Variants in UHRF2 observed in about 807,000 individuals in gnomAD.
The protein encoded by UHRF2 is ubiquitin like with PHD and ring finger domains 2.
Under a neutral mutation model 96.8 loss-of-function variants are expected in UHRF2, and 23 were observed. The observed-to-expected ratio is 0.24, with a 90% CI of 0.17 to 0.34. The LOEUF is 0.34. Ranked by LOEUF, UHRF2 falls within the 10% of genes least tolerant of loss-of-function variation. The pLI is 1.00. For synonymous variants in UHRF2, 385 were observed against 332.6 expected (o/e 1.16, Z -1.72); for missense variants, 685 against 981.5 (o/e 0.70, Z 4.04).
chr9:6,425,966 G>T (rs1239621575), intron 2 of UHRF2, among the ~76,000 whole-genome samples: 1 of 152,186 alleles, frequency 6.6e-6, no homozygotes, highest in Non-Finnish European at 1.5e-5. Flanking sequence ...TTTGGCCAGA[G>T]TTTAGAAGCT....
intron 6 of UHRF2, among the ~76,000 whole-genome samples, chr9:6,478,162 C>T (rs576489577): frequency 1.3e-5 from 2 of 152,218 alleles, no homozygotes; most frequent in Non-Finnish European, 2.9e-5. Flanking sequence ...CCACTTTCCT[C>T]TTTCATTTCC....
At chr9:6,435,416 G>A (rs1012335400) in intron 3 of UHRF2, among the ~76,000 whole-genome samples, 4 of 152,132 alleles carry the variant, frequency 2.6e-5, no homozygotes, top group Non-Finnish European at 5.9e-5. Flanking sequence ...GTGAGCCACT[G>A]TGCCCAGTGC....
At chr9:6,445,805 C>G (rs1421987945) in intron 3 of UHRF2, among the ~76,000 whole-genome samples, 2 of 151,956 alleles carry the variant, frequency 1.3e-5, no homozygotes, top group Non-Finnish European at 2.9e-5. Context: ...CTCAAGCAGT[C>G]CTTCCCCCTT....
At chr9:6,440,244 T>A (rs1489453676) in intron 3 of UHRF2, among the ~76,000 whole-genome samples, 1 of 152,220 alleles carries the variant, frequency 6.6e-6, no homozygotes, top group Admixed American at 6.5e-5. Context: ...ATCTGTGGCA[T>A]AGCTTATGAT....
chr9:6,454,014 C>T (rs1822028261), intron 3 of UHRF2, among the ~76,000 whole-genome samples: 2 of 145,322 alleles, frequency 1.4e-5, no homozygotes, highest in South Asian at 4.3e-4. Context: ...TAAAAAAATA[C>T]TAATTGACAT....
intron 3 of UHRF2, among the ~76,000 whole-genome samples, chr9:6,457,569 A>C (rs1249110135): frequency 6.6e-6 from 1 of 152,212 alleles, no homozygotes; most frequent in Admixed American, 6.5e-5. Flanking sequence ...GAGAGAGGCC[A>C]TCCCTGTCTT....
chr9:6,477,619 T>C lies in UHRF2; in HGVS notation c.974-3T>C, dbSNP rs765558961. 1.3e-6 allele frequency: 2 copies of C among 1,598,482 alleles called. No individual in the cohort carries two copies. Among genetic ancestry groups the C allele is most frequent in the South Asian group, 1.1e-5 (1 of 88,524 alleles). On this transcript the variant is annotated splice_region_variant and splice_polypyrimidine_tract_variant and intron_variant, in intron 5 of 15. Coordinates refer to ENST00000276893, the MANE Select transcript of UHRF2 (RefSeq NM_152896.3). ...AGACTTGCTATAATTTTGTTCTTAATAGGGCGAAATGACCCTGAATGTGAC... is the reference window on the plus strand; with the variant it reads ...AGACTTGCTATAATTTTGTTCTTAACAGGGCGAAATGACCCTGAATGTGAC...
At chr9:6,428,317 G>C (rs192417699) in intron 2 of UHRF2, among the ~76,000 whole-genome samples, 1 of 151,866 alleles carries the variant, frequency 6.6e-6, no homozygotes, top group Non-Finnish European at 1.5e-5. Flanking sequence ...ATACTCCCAG[G>C]AACTTACCAG....
intron 3 of UHRF2, among the ~76,000 whole-genome samples, chr9:6,441,569 C>G (rs1821163991): frequency 6.6e-6 from 1 of 152,244 alleles, no homozygotes. Flanking sequence ...TTGACCCAGC[C>G]TTATCCATTA....
At chr9:6,424,752 C>T (rs1820146571) in intron 2 of UHRF2, among the ~76,000 whole-genome samples, 1 of 148,020 alleles carries the variant, frequency 6.8e-6, no homozygotes, top group Non-Finnish European at 1.5e-5. Flanking sequence ...TCTCCTTTGA[C>T]ATTGACTGTG....
At chr9:6,494,019 G>C in intron 10 of UHRF2, 87 bp downstream of exon 10, 1 of 1,176,074 alleles carries the variant, frequency 8.5e-7, no homozygotes, top group Non-Finnish European at 1.2e-6. Flanking sequence ...TTGCAGAGGA[G>C]AATTTCAAAC....
At chr9:6,472,905 A>T (rs1185081928) in intron 4 of UHRF2, among the ~76,000 whole-genome samples, 1 of 152,198 alleles carries the variant, frequency 6.6e-6, no homozygotes, top group Non-Finnish European at 1.5e-5. Context: ...AAAAGTAAAT[A>T]TCCTTTAGCC....
At chr9:6,465,229 G>T (rs1822787906) in intron 4 of UHRF2, among the ~76,000 whole-genome samples, 1 of 152,132 alleles carries the variant, frequency 6.6e-6, no homozygotes, top group Non-Finnish European at 1.5e-5. Flanking sequence ...CCTAGATTTG[G>T]TTTGACAGTG....
chr9:6,472,570 A>T (rs1464043696), intron 4 of UHRF2, among the ~76,000 whole-genome samples: 1 of 152,266 alleles, frequency 6.6e-6, no homozygotes, highest in African/African-American at 2.4e-5. Context: ...AATCAAGATG[A>T]CTGAAGATAA....
At chr9:6,420,706 CAA>C (rs879041284) in intron 1 of UHRF2, among the ~76,000 whole-genome samples, 12 of 70,738 alleles carry the variant, frequency 1.7e-4, no homozygotes, top group Admixed American at 6.5e-4. Flanking sequence ...GACACCGTCT[CAA>C]AAAAAAAAAA....
In UHRF2 at chr9:6,433,977, A is replaced by G. The variant is rs1256951877; in HGVS notation, c.448A>G (p.Ser150Gly). 2 of 1,613,988 alleles carry G rather than the reference A, an allele frequency of 1.2e-6. No individual in the cohort carries two copies. The highest frequency in any genetic ancestry group is 1.3e-5 in the African/African-American group (1 of 74,938). Residue 150 changes from serine to glycine, a missense_variant, in exon 3 of 16, where the codon AGT becomes GGT. Physicochemically the swap from Ser to Gly is moderately conservative, Grantham distance 56. This residue lies in a region of UHRF2 where 391 missense variants were observed against 437.0 expected (regional missense o/e 0.89). Transcript: ENST00000276893. ...LGAWFEAHIH[S>G]VTRASDGQSR... The stretch of plus-strand genomic sequence containing the variant: ...TGCTTGGTTTGAAGCACACATACAT[A>G]GTGTTACTAGAGCTTCTGATGGACA...
chr9:6,470,144 G>T (rs919013592), intron 4 of UHRF2, among the ~76,000 whole-genome samples: 1 of 152,108 alleles, frequency 6.6e-6, no homozygotes, highest in Non-Finnish European at 1.5e-5. Context: ...AGGCCAAGGC[G>T]GGCAGATCAC....
chr9:6,425,290 T>C (rs913929807), intron 2 of UHRF2, among the ~76,000 whole-genome samples: 1 of 152,232 alleles, frequency 6.6e-6, no homozygotes, highest in African/African-American at 2.4e-5. Context: ...GAAACTCGTT[T>C]ATTTGATGGC....
rs562840056 is a variant in UHRF2, at chr9:6,471,454, A to G, written c.864-3937A>G. Among the ~76,000 whole-genome samples the G allele has an allele frequency of 2.6e-5, 4 of 152,256 alleles. No homozygotes were observed. The South Asian group carries it at 8.3e-4, about 32-fold the overall frequency. ...TCACTAGGGTGGCTCTTTGTGACCA[A>G]TAGAATATGGTGTAAGTGATGCTGT... is the stretch of plus-strand genomic sequence containing the variant. On this transcript the variant is annotated intron_variant, in intron 4 of 15. Coordinates refer to ENST00000276893, the MANE Select transcript of UHRF2 (RefSeq NM_152896.3).
Sources: gnomAD v4.1 joint callset for allele counts (sites outside exome capture counted in the v4.1 genomes callset) on GRCh38, gnomAD v4.1.1 for gene constraint, gnomAD v4.1.1 regional missense constraint, MANE v1.5 for transcripts, NCBI Gene and HGNC (gene_info 2026-07-23, HGNC 2026-07-21) for gene names.